The following KCNJ15 variants were observed in gnomAD, a reference collection of about 807,000 sequenced individuals.
KCNJ15 encodes the protein ATP-sensitive inward rectifier potassium channel 15.
KCNJ15 carries 14 observed loss-of-function variants against 23.0 expected under a neutral mutation model. The ratio of observed to expected loss-of-function variants is 0.61; its 90% confidence interval spans 0.40 to 0.95. The LOEUF (loss-of-function observed/expected upper bound fraction) is 0.95. Ranked by LOEUF, KCNJ15 falls within the 40% of genes least tolerant of loss-of-function variation. The pLI is 0.00. For missense variants in KCNJ15, 388 were observed against 461.8 expected, an observed-to-expected ratio of 0.84 and a Z score of 1.46; for synonymous variants, 185 against 183.2, an observed-to-expected ratio of 1.01 and a Z score of -0.08.
chr21:38,288,866 G>GTGAA (rs1174460617), intron 1 of KCNJ15, among the ~76,000 whole-genome samples: 1 of 152,184 alleles, frequency 6.6e-6, no homozygotes, highest in Admixed American at 6.5e-5. Flanking sequence ...GTCATCTCCT[G>GTGAA]TGAATGCTCC....
At chr21:38,241,129 G>A (rs781579803) in intron 1 of KCNJ15, among the ~76,000 whole-genome samples, 6 of 152,212 alleles carry the variant, frequency 3.9e-5, no homozygotes, top group Non-Finnish European at 5.9e-5. Flanking sequence ...AATAGCCCTG[G>A]ACAGCCCATG....
At chr21:38,273,094 A>G (rs1034292579) in intron 1 of KCNJ15, among the ~76,000 whole-genome samples, 1 of 152,232 alleles carries the variant, frequency 6.6e-6, no homozygotes, top group African/African-American at 2.4e-5. Context: ...CAAGATGTGT[A>G]AATGCAGCGG....
intron 1 of KCNJ15, among the ~76,000 whole-genome samples, chr21:38,243,462 C>CTCTGTCA (rs60469214): frequency 1.4e-4 from 22 of 151,938 alleles, no homozygotes; most frequent in Non-Finnish European, 1.0e-4. Context: ...TGGAGTATCA[C>CTCTGTCA]CCAGGCTGGA....
intron 1 of KCNJ15, among the ~76,000 whole-genome samples, chr21:38,281,498 C>G (rs1983336985): frequency 6.6e-6 from 1 of 152,160 alleles, no homozygotes; most frequent in Non-Finnish European, 1.5e-5. Flanking sequence ...TTAGCTCCTT[C>G]TATTATAAGT....
At chr21:38,246,452 G>T (rs970864852) in intron 1 of KCNJ15, among the ~76,000 whole-genome samples, 1 of 152,184 alleles carries the variant, frequency 6.6e-6, no homozygotes, top group African/African-American at 2.4e-5. Flanking sequence ...CTTTTGATTT[G>T]CTTTGAGTTC....
At position 38,283,744 on chromosome 21, in the gene KCNJ15, A is replaced by G. The variant is rs28469098; in HGVS notation, c.-116-13182A>G. Among the ~76,000 whole-genome samples the G allele has an allele frequency of 6.9e-3, 1,044 of 152,016 alleles. 8 individuals are homozygous for G. The highest frequency in any genetic ancestry group is 0.023 in the African/African-American group (935 of 41,504). ...GCCTCCCTCAAAAAAGTTATGCTAG[A>G]TTACTCTATCGGACACCATGCAGGA... is the stretch of plus-strand genomic sequence containing the variant. On this transcript the variant is annotated intron_variant, in intron 1 of 2. Transcript: ENST00000398938.
intron 1 of KCNJ15, among the ~76,000 whole-genome samples, chr21:38,294,653 G>A (rs1984959695): frequency 6.8e-6 from 1 of 148,074 alleles, no homozygotes; most frequent in African/African-American, 2.5e-5. Flanking sequence ...CATGGCAATG[G>A]GTACTACCCT....
intron 1 of KCNJ15, among the ~76,000 whole-genome samples, chr21:38,275,297 A>C (rs1011849509): frequency 7.9e-5 from 12 of 152,092 alleles, no homozygotes; most frequent in African/African-American, 2.9e-4. Flanking sequence ...AGAAAGATCA[A>C]ACTTTTCAGT....
In KCNJ15 at chr21:38,304,397, A is replaced by G. The variant is rs1471925033; in HGVS notation, c.*4008A>G. On this transcript the variant is annotated 3_prime_UTR_variant, in exon 3 of 3. Transcript: ENST00000398938. ...TAGTTTGCTGAGAATGATGGTTTCC[A>G]GTTTCATCCAATAACTAGTTTTATC... is the stretch of plus-strand genomic sequence containing the variant. 6.6e-6 allele frequency: 1 copy of G among 151,814 alleles called. No individual in the cohort carries two copies. Among genetic ancestry groups the G allele is most frequent in the Non-Finnish European group, 1.5e-5 (1 of 67,984 alleles). 9.4% of individuals were successfully genotyped at this position (151,814 alleles called of 1,614,324 possible). A position where few individuals can be genotyped will look rare whatever the true frequency, so the allele number is the denominator to read the frequency against.
chr21:38,289,699 C>T (rs538299707), intron 1 of KCNJ15, among the ~76,000 whole-genome samples: 1 of 152,288 alleles, frequency 6.6e-6, no homozygotes, highest in East Asian at 1.9e-4. Flanking sequence ...TGCCACTCCA[C>T]TCCAGCCTGG....
chr21:38,247,776 A>G (rs1979548578), intron 1 of KCNJ15, among the ~76,000 whole-genome samples: 1 of 152,186 alleles, frequency 6.6e-6, no homozygotes, highest in South Asian at 2.1e-4. Context: ...CCTAGGTTAC[A>G]TGTTCTCATA....
chr21:38,234,039 T>A (rs1978440120), intron 1 of KCNJ15, among the ~76,000 whole-genome samples: 1 of 152,244 alleles, frequency 6.6e-6, no homozygotes, highest in Non-Finnish European at 1.5e-5. Flanking sequence ...GCATTCAGGT[T>A]ACCAACAGTT....
At chr21:38,289,784 C>A (rs1226034813) in intron 1 of KCNJ15, among the ~76,000 whole-genome samples, 14 of 152,070 alleles carry the variant, frequency 9.2e-5, no homozygotes, top group Non-Finnish European at 1.8e-4. Flanking sequence ...TGACACAGTA[C>A]AATTCGCCTC....
chr21:38,265,673 C>T (rs1981383757), intron 1 of KCNJ15, among the ~76,000 whole-genome samples: 2 of 152,190 alleles, frequency 1.3e-5, no homozygotes, highest in Non-Finnish European at 1.5e-5. Flanking sequence ...ATATAAGTGA[C>T]ATCAAGGACT....
In KCNJ15 at chr21:38,288,026, CTTTGTTTTTTTTTT is replaced by C. The variant is rs1441097566; in HGVS notation, c.-116-8896_-116-8883del. Among the ~76,000 whole-genome samples the C allele has an allele frequency of 4.6e-3, 360 of 78,204 alleles. 52 individuals are homozygous for C. Among genetic ancestry groups the C allele is most frequent in the Non-Finnish European group, 6.6e-3 (292 of 44,192 alleles). The allele number at this position is 78,204 out of a possible 152,430, so 51.3% of individuals were successfully genotyped here. On this transcript the variant is annotated intron_variant, in intron 1 of 2. Coordinates refer to ENST00000398938, the MANE Select transcript of KCNJ15 (RefSeq NM_170736.3). ...CCATTGTTAAATAACTTGTTTTTTTCTTTGTTTTTTTTTTTTTTTTTTTTTTTTTTTTGAGATGG... is the reference window on the plus strand; with the variant it reads ...CCATTGTTAAATAACTTGTTTTTTTCTTTTTTTTTTTTTTTTTTGAGATGG...
chr21:38,290,152 A>G (rs532460701), intron 1 of KCNJ15, among the ~76,000 whole-genome samples: 61 of 152,254 alleles, frequency 4.0e-4, no homozygotes, highest in Non-Finnish European at 6.9e-4. Flanking sequence ...TCAGTAAATG[A>G]TACCTCTGGC....
intron 1 of KCNJ15, chr21:38,268,753 T>C (rs1981766716): frequency 6.6e-6 from 1 of 152,032 alleles, no homozygotes. Flanking sequence ...AGCAATACTC[T>C]TGGGAAAGGT....
Position 38,299,330 on chromosome 21 carries a change from G to A in KCNJ15, c.69G>A (p.Lys23=). ...LVKHTAGAGL[K]ANRPRVMSKS... ...AGCACACTGCTGGGGCTGGGCTCAAGGCCAACAGACCCCGCGTCATGTCCA... is the reference window on the plus strand; with the variant it reads ...AGCACACTGCTGGGGCTGGGCTCAAAGCCAACAGACCCCGCGTCATGTCCA... The change falls in exon 3 of 3, where the codon AAG becomes AAA. Residue 23 remains lysine, a synonymous_variant. Transcript: ENST00000398938. The surrounding 1 kb of genome is among the most constrained non-coding windows in gnomAD (Gnocchi z 4.5). 1 of 1,614,176 alleles carries A rather than the reference G, an allele frequency of 6.2e-7. No homozygotes were observed. The highest frequency in any genetic ancestry group is 8.5e-7 in the Non-Finnish European group (1 of 1,180,008).
chr21:38,266,312 C>T (rs1162004199), intron 1 of KCNJ15, among the ~76,000 whole-genome samples: 1 of 152,130 alleles, frequency 6.6e-6, no homozygotes, highest in Non-Finnish European at 1.5e-5. Context: ...TGACAGTACC[C>T]AGTGTGTGAT....
Sources: allele counts gnomAD v4.1 joint callset (sites outside exome capture counted in the v4.1 genomes callset), GRCh38; gene constraint gnomAD v4.1.1; non-coding constraint Gnocchi (gnomAD v3.1); transcripts MANE v1.5; gene names NCBI Gene and HGNC (gene_info 2026-07-23, HGNC 2026-07-21).